Variants in MAGI1 observed in about 807,000 individuals in gnomAD.
The protein encoded by MAGI1 is membrane-associated guanylate kinase, WW and PDZ domain-containing protein 1.
A neutral mutation model predicts 139.9 loss-of-function variants in MAGI1; 58 were observed. The observed-to-expected ratio is 0.41, with a 90% confidence interval of 0.34 to 0.52. MAGI1 has a LOEUF of 0.52. MAGI1 is among the 20% of genes least tolerant of loss of function. MAGI1 has a pLI of 0.12. For missense variants in MAGI1, 1,874 were observed against 1,901.6 expected (o/e 0.99, Z 0.27); for synonymous variants, 812 against 737.9 (o/e 1.10, Z -1.63).
At chr3:65,359,095 C>A in intron 22 of MAGI1, 1 of 1,614,092 alleles carries the variant, frequency 6.2e-7, no homozygotes, top group Non-Finnish European at 8.5e-7. Context: ...AAGGTAGAAG[C>A]AAGCCTCCCC....
In MAGI1 at chr3:65,999,961, T is replaced by C. The variant is rs182330821; in HGVS notation, c.313+38035A>G. Among the ~76,000 whole-genome samples, 40 of 137,534 alleles carry C rather than the reference T, an allele frequency of 2.9e-4. 1 individual carries two copies. The highest frequency in any genetic ancestry group is 9.8e-4 in the African/African-American group (37 of 37,902). The allele number at this position is 137,534 out of a possible 152,430, so 90.2% of individuals were successfully genotyped here. A position where few individuals can be genotyped will look rare whatever the true frequency, so the allele number is the denominator to read the frequency against. ...ATGTACTCTGGTTAATCAGGTCTTG[T>C]TCCCCCCACGCTTTTTTTTTTTTTT... On this transcript the variant is annotated intron_variant, in intron 1 of 22. Coordinates refer to ENST00000402939, the MANE Select transcript of MAGI1 (RefSeq NM_001033057.2).
intron 2 of MAGI1, among the ~76,000 whole-genome samples, chr3:65,524,455 C>T (rs1319291768): frequency 2.0e-5 from 3 of 152,178 alleles, no homozygotes; most frequent in Non-Finnish European, 4.4e-5. Context: ...TGTTTCATTA[C>T]TCTTATAGAA....
chr3:65,885,214 C>G (rs1025452401), intron 1 of MAGI1, among the ~76,000 whole-genome samples: 11 of 151,976 alleles, frequency 7.2e-5, no homozygotes, highest in African/African-American at 1.7e-4. Context: ...GCCTGGCTAA[C>G]ACAGTGAAAC....
chr3:65,392,082 C>A (rs762423172), intron 13 of MAGI1, among the ~76,000 whole-genome samples: 5 of 152,140 alleles, frequency 3.3e-5, no homozygotes, highest in Admixed American at 1.3e-4. Flanking sequence ...TGGGGGCCAG[C>A]CTTCTTAGAT....
intron 2 of MAGI1, among the ~76,000 whole-genome samples, chr3:65,602,946 G>A (rs778854772): frequency 5.9e-5 from 9 of 152,058 alleles, no homozygotes; most frequent in Non-Finnish European, 1.2e-4. Flanking sequence ...TCATGTATAA[G>A]AGAATACCAT....
intron 1 of MAGI1, among the ~76,000 whole-genome samples, chr3:65,793,293 A>G (rs905055505): frequency 2.6e-5 from 4 of 152,092 alleles, no homozygotes; most frequent in African/African-American, 9.7e-5. Flanking sequence ...AACTTTTCAT[A>G]AGATTATTCA....
intron 1 of MAGI1, among the ~76,000 whole-genome samples, chr3:65,869,326 T>C (rs551719398): frequency 1.3e-5 from 2 of 151,674 alleles, no homozygotes; most frequent in African/African-American, 4.8e-5. Context: ...CTACCTGCCA[T>C]CCCCACTAGA....
intron 1 of MAGI1, among the ~76,000 whole-genome samples, chr3:65,992,849 A>T (rs2066250774): frequency 6.6e-6 from 1 of 152,052 alleles, no homozygotes; most frequent in Non-Finnish European, 1.5e-5. Flanking sequence ...TTGTTATTGT[A>T]GGGTTTCACT....
chr3:65,550,454 A>G (rs1534085), intron 2 of MAGI1, among the ~76,000 whole-genome samples: 59,453 of 151,938 alleles, frequency 0.39, 12,686 homozygotes, highest in East Asian at 0.65. Flanking sequence ...GGCAAGAATA[A>G]AACTTGAAAG....
In MAGI1 at chr3:65,818,639, G is replaced by T. The variant is rs528406669; in HGVS notation, c.314-196551C>A. Among the ~76,000 whole-genome samples, 7 of 152,262 alleles carry T rather than the reference G, an allele frequency of 4.6e-5. No individual in the cohort carries two copies. The South Asian group carries it at 1.5e-3, about 32-fold the overall frequency. On this transcript the variant is annotated intron_variant, in intron 1 of 22. Transcript: ENST00000402939. The stretch of plus-strand genomic sequence containing the variant: ...ACACTGCATGAAGGAGGAACCCAAC[G>T]TTTAATAACTCAAGGGGAAGGCAGG...
At position 65,356,742 on chromosome 3, in the gene MAGI1, T is replaced by C. The variant is rs537179465; in HGVS notation, c.4025A>G (p.Lys1342Arg). The C allele has an allele frequency of 6.3e-7, 1 of 1,597,368 alleles. No individual in the cohort carries two copies. Among genetic ancestry groups the C allele is most frequent in the South Asian group, 1.1e-5 (1 of 87,850 alleles). The change falls in exon 23 of 23, where the codon AAG (lysine) becomes AGG (arginine). Residue 1342 changes from lysine to arginine, a missense_variant. By Grantham distance (26) the Lys-to-Arg change is conservative. Around this residue, in one of 5 missense-constraint regions of MAGI1, gnomAD observed 653 missense variants for 644.5 expected, o/e 1.01. Coordinates refer to ENST00000402939, the MANE Select transcript of MAGI1 (RefSeq NM_001033057.2). ...SADNTLERRE[K>R]HEKRRDVSPE... ...AGAGACGTCTCGTCTCTTCTCGTGC[T>C]TCTCCCTCCTCTCCAAAGTGTTGTC...
chr3:65,707,276 G>A (rs1250432068), intron 1 of MAGI1, among the ~76,000 whole-genome samples: 6 of 152,190 alleles, frequency 3.9e-5, no homozygotes, highest in Admixed American at 3.9e-4. Flanking sequence ...CAGGGTTGAT[G>A]CTATGCCACA....
At chr3:65,502,024 T>C (rs1304787543) in intron 2 of MAGI1, among the ~76,000 whole-genome samples, 1 of 152,148 alleles carries the variant, frequency 6.6e-6, no homozygotes, top group Non-Finnish European at 1.5e-5. Context: ...ACCAGCTATG[T>C]AGGGTGGGAG....
At chr3:65,989,482 A>C (rs914061050) in intron 1 of MAGI1, among the ~76,000 whole-genome samples, 1 of 152,206 alleles carries the variant, frequency 6.6e-6, no homozygotes, top group African/African-American at 2.4e-5. Context: ...TAAACAGTAC[A>C]TGAGCCAGGA....
chr3:65,370,660 A>G (rs2106800130), intron 18 of MAGI1, among the ~76,000 whole-genome samples: 1 of 152,266 alleles, frequency 6.6e-6, no homozygotes, highest in South Asian at 2.1e-4. Context: ...TTGTTCTGAG[A>G]CATGGTCTCA....
At chr3:65,418,342 C>T (rs1184086165) in intron 12 of MAGI1, among the ~76,000 whole-genome samples, 2 of 152,152 alleles carry the variant, frequency 1.3e-5, no homozygotes, top group Non-Finnish European at 2.9e-5. Context: ...ATCCTCAGTC[C>T]TTCATGAAGA....
chr3:65,586,865 G>A (rs1240082648), intron 2 of MAGI1, among the ~76,000 whole-genome samples: 1 of 151,924 alleles, frequency 6.6e-6, no homozygotes, highest in Non-Finnish European at 1.5e-5. Context: ...CAGGGCACAG[G>A]GAAGCTTCTG....
chr3:65,591,571 A>C (rs1209797976), intron 2 of MAGI1, among the ~76,000 whole-genome samples: 1 of 152,058 alleles, frequency 6.6e-6, no homozygotes, highest in Non-Finnish European at 1.5e-5. Flanking sequence ...GTGAATGTTC[A>C]TTGGGAGCAT....
chr3:65,895,397 C>G lies in MAGI1; in HGVS notation c.313+142599G>C, dbSNP rs538724930. 2.6e-5 allele frequency among the ~76,000 whole-genome samples: 4 copies of G among 152,320 alleles called. No homozygotes were observed. The East Asian group carries it at 7.7e-4, about 29-fold the overall frequency. On this transcript the variant is annotated intron_variant, in intron 1 of 22. Coordinates refer to ENST00000402939, the MANE Select transcript of MAGI1 (RefSeq NM_001033057.2). ...TGAAATATACAGGCAATTTGCTGGT[C>G]TGAGTTTGTGTGACACCTTCAGGTT...
Sources: gnomAD v4.1 joint callset for allele counts (sites outside exome capture counted in the v4.1 genomes callset) on GRCh38, gnomAD v4.1.1 for gene constraint, gnomAD v4.1.1 regional missense constraint, MANE v1.5 for transcripts, NCBI Gene and HGNC (gene_info 2026-07-23, HGNC 2026-07-21) for gene names.